TMPRSS15: variants seen among roughly 807,000 people sequenced by gnomAD.
TMPRSS15 encodes enteropeptidase.
Under a neutral mutation model 125.3 loss-of-function variants are expected in TMPRSS15, and 128 were observed. The observed-to-expected ratio is 1.02, with a 90% confidence interval of 0.89 to 1.18. The LOEUF is 1.18. Ranked by LOEUF, TMPRSS15 falls within the 50% of genes most tolerant of loss-of-function variation. TMPRSS15 has a pLI of 0.00. For synonymous variants in TMPRSS15, 446 were observed against 423.2 expected, an observed-to-expected ratio of 1.05 and a Z score of -0.66; for missense variants, 1,283 against 1,212.7, an observed-to-expected ratio of 1.06 and a Z score of -0.86.
chr21:18,447,203 TG>T (rs2076257448), intron 1 of TMPRSS15, among the ~76,000 whole-genome samples: 1 of 151,872 alleles, frequency 6.6e-6, no homozygotes, highest in African/African-American at 2.4e-5. Context: ...CCCAGCACTT[TG>T]GGAGGCTGAG....
intron 1 of TMPRSS15, among the ~76,000 whole-genome samples, chr21:18,464,487 A>C (rs1368906757): frequency 6.6e-6 from 1 of 152,172 alleles, no homozygotes; most frequent in Admixed American, 6.5e-5. Flanking sequence ...GGTTTTTTGA[A>C]AAGTTTAACA....
At chr21:18,407,662 C>T (rs2076156016), upstream of TMPRSS15, among the ~76,000 whole-genome samples, 1 of 151,872 alleles carries the variant, frequency 6.6e-6, no homozygotes, top group Non-Finnish European at 1.5e-5. Context: ...GGTCTCACTT[C>T]GTTGTCCAGG....
chr21:18,477,602 A>C (rs1034376853), intron 1 of TMPRSS15: 1 of 152,110 alleles, frequency 6.6e-6, no homozygotes, highest in Non-Finnish European at 1.5e-5. Context: ...AAGAAACTCA[A>C]GTGACAGACA....
chr21:18,353,629 C>A, intron 9 of TMPRSS15, 94 bp downstream of exon 9: 1 of 1,145,334 alleles, frequency 8.7e-7, no homozygotes, highest in Non-Finnish European at 1.3e-6. Flanking sequence ...TATAAAATTA[C>A]ATCATGAAAA....
chr21:18,407,138 G>A (rs186244185), upstream of TMPRSS15, among the ~76,000 whole-genome samples: 6 of 152,212 alleles, frequency 3.9e-5, no homozygotes, highest in Admixed American at 1.3e-4. Flanking sequence ...TAGAAAATCC[G>A]TATGATGGTT....
chr21:18,475,438 G>A (rs763760390), intron 1 of TMPRSS15, among the ~76,000 whole-genome samples: 2 of 152,076 alleles, frequency 1.3e-5, no homozygotes, highest in Middle Eastern at 3.4e-3. Context: ...CTAAAAATAC[G>A]AAAATTAGCC....
intron 21 of TMPRSS15, among the ~76,000 whole-genome samples, chr21:18,283,759 T>C (rs1047115743): frequency 6.6e-6 from 1 of 152,136 alleles, no homozygotes; most frequent in Non-Finnish European, 1.5e-5. Flanking sequence ...TTGATATAGA[T>C]TTAAATAAAT....
chr21:18,469,745 A>T (rs1978739030), intron 1 of TMPRSS15, among the ~76,000 whole-genome samples: 1 of 152,136 alleles, frequency 6.6e-6, no homozygotes, highest in Non-Finnish European at 1.5e-5. Flanking sequence ...GGGGAAGACA[A>T]ACAAATATGC....
intron 16 of TMPRSS15, among the ~76,000 whole-genome samples, chr21:18,316,138 T>C (rs982555909): frequency 1.3e-5 from 2 of 152,134 alleles, no homozygotes; most frequent in East Asian, 3.8e-4. Context: ...GCCTCAGAAA[T>C]AGTTTCCAAG....
intron 21 of TMPRSS15, among the ~76,000 whole-genome samples, chr21:18,293,068 T>C (rs2074858118): frequency 6.6e-6 from 1 of 152,084 alleles, no homozygotes; most frequent in Non-Finnish European, 1.5e-5. Context: ...TAGTTGAGGG[T>C]CCTTTTTCTC....
chr21:18,302,202 G>T (rs185163171), intron 18 of TMPRSS15, among the ~76,000 whole-genome samples: 4 of 152,316 alleles, frequency 2.6e-5, no homozygotes, highest in African/African-American at 4.8e-5. Context: ...ACCCCAAAAG[G>T]TTTAAGTAAT....
At chr21:18,272,322 T>TTGAG (rs1474317478) in intron 24 of TMPRSS15, among the ~76,000 whole-genome samples, 2 of 151,836 alleles carry the variant, frequency 1.3e-5, no homozygotes, top group African/African-American at 4.9e-5. Flanking sequence ...ATCAGTGATG[T>TTGAG]TGAGTTTTTT....
chr21:18,298,627 C>G (rs943161125), intron 18 of TMPRSS15, among the ~76,000 whole-genome samples: 11 of 152,168 alleles, frequency 7.2e-5, no homozygotes, highest in African/African-American at 2.2e-4. Flanking sequence ...GCTTTTAATT[C>G]TTAATCTTGT....
In TMPRSS15 at chr21:18,270,903, A is replaced by AATT. The variant is rs1421898446; in HGVS notation, c.2905-782_2905-780dup. ...ATTAATTGGGCAAATCTTTTTGATT[A>AATT]ATTTGTTTTTTATATTTATGAAGAC... is the stretch of plus-strand genomic sequence containing the variant. On this transcript the variant is annotated intron_variant, in intron 24 of 24. Transcript: ENST00000284885. Among the ~76,000 whole-genome samples the AATT allele has an allele frequency of 1.2e-4, 18 of 152,248 alleles. 1 individual carries two copies. In the South Asian group the frequency reaches 3.5e-3, roughly 30 times the overall value.
At chr21:18,349,214 C>T (rs1220095260) in intron 10 of TMPRSS15, among the ~76,000 whole-genome samples, 1 of 152,172 alleles carries the variant, frequency 6.6e-6, no homozygotes, top group Non-Finnish European at 1.5e-5. Context: ...ATATTATGAA[C>T]CTCATTTGTC....
chr21:18,440,565 T>C (rs1190886070), intron 1 of TMPRSS15, among the ~76,000 whole-genome samples: 1 of 152,028 alleles, frequency 6.6e-6, no homozygotes, highest in Non-Finnish European at 1.5e-5. Flanking sequence ...TGTAGGATCA[T>C]ATGGCTTATT....
chr21:18,393,570 C>T (rs1471001476), intron 3 of TMPRSS15, among the ~76,000 whole-genome samples: 1 of 151,996 alleles, frequency 6.6e-6, no homozygotes, highest in Admixed American at 6.6e-5. Context: ...CTAGACTACA[C>T]AAGAAAAGAA....
chr21:18,321,829 C>T (rs906213663), intron 16 of TMPRSS15, among the ~76,000 whole-genome samples: 6 of 152,088 alleles, frequency 3.9e-5, no homozygotes, highest in Admixed American at 2.6e-4. Flanking sequence ...CGGAAGCAGA[C>T]GGTGCTGATG....
intron 18 of TMPRSS15, among the ~76,000 whole-genome samples, chr21:18,308,535 C>T (rs889605861): frequency 2.6e-5 from 4 of 151,198 alleles, no homozygotes; most frequent in Non-Finnish European, 2.9e-5. Context: ...TGGTTTGACC[C>T]CATTTTATAA....
Sources: allele counts gnomAD v4.1 joint callset (sites outside exome capture counted in the v4.1 genomes callset), GRCh38; gene constraint gnomAD v4.1.1; transcripts MANE v1.5; gene names NCBI Gene and HGNC (gene_info 2026-07-23, HGNC 2026-07-21).